Variants in CSMD1 observed in about 807,000 individuals in gnomAD.
CSMD1 encodes CUB and Sushi multiple domains 1.
A neutral mutation model predicts 417.5 loss-of-function variants in CSMD1; 213 were observed. The observed-to-expected ratio is 0.51, with a 90% CI of 0.46 to 0.57. CSMD1 has a LOEUF of 0.57. Among genes scored for constraint, CSMD1 ranks in the 20% least tolerant of loss-of-function variants. The pLI, the probability that CSMD1 is intolerant of heterozygous loss-of-function variation, is 0.00. For missense variants in CSMD1, 6,923 were observed against 4,529.7 expected (o/e 1.53, Z -15.17); for synonymous variants, 2,862 against 1,736.8 (o/e 1.65, Z -16.11).
chr8:3,783,031 C>T (rs1050416802), intron 5 of CSMD1, among the ~76,000 whole-genome samples: 1 of 152,156 alleles, frequency 6.6e-6, no homozygotes, highest in Non-Finnish European at 1.5e-5. Flanking sequence ...AGCACGCGTT[C>T]ATCTTCTGTA....
chr8:4,904,931 A>G (rs1448174287), intron 1 of CSMD1, among the ~76,000 whole-genome samples: 2 of 152,190 alleles, frequency 1.3e-5, no homozygotes, highest in South Asian at 4.1e-4. Flanking sequence ...AATACTGTCC[A>G]GGGCCTCTTT....
chr8:3,959,871 C>T (rs553152568), intron 5 of CSMD1, among the ~76,000 whole-genome samples: 2 of 152,196 alleles, frequency 1.3e-5, no homozygotes, highest in Non-Finnish European at 2.9e-5. Context: ...AGGTATATAA[C>T]GTGTGATCTG....
chr8:4,715,453 C>A (rs866598127), intron 1 of CSMD1, among the ~76,000 whole-genome samples: 8 of 152,156 alleles, frequency 5.3e-5, no homozygotes, highest in African/African-American at 1.4e-4. Context: ...TTGACAATCT[C>A]ATATGGTTTC....
At chr8:4,733,162 T>A (rs1284336110) in intron 1 of CSMD1, among the ~76,000 whole-genome samples, 4 of 152,202 alleles carry the variant, frequency 2.6e-5, no homozygotes, top group Non-Finnish European at 5.9e-5. Flanking sequence ...TCAGTCAATG[T>A]CTACCAAGTA....
chr8:4,252,271 C>T (rs1803132690), intron 3 of CSMD1, among the ~76,000 whole-genome samples: 1 of 152,204 alleles, frequency 6.6e-6, no homozygotes. Flanking sequence ...GCCCATCTTT[C>T]CTGTGAGTTG....
chr8:4,030,905 A>C (rs1236257452), intron 4 of CSMD1, among the ~76,000 whole-genome samples: 1 of 152,080 alleles, frequency 6.6e-6, no homozygotes, highest in Non-Finnish European at 1.5e-5. Context: ...AAGTTCCACA[A>C]CTCTCTAGGG....
chr8:3,386,418 G>C (rs990348352), intron 18 of CSMD1, among the ~76,000 whole-genome samples: 1 of 152,178 alleles, frequency 6.6e-6, no homozygotes, highest in Non-Finnish European at 1.5e-5. Context: ...CTTCCTGAGA[G>C]GGCTCCAGCA....
intron 3 of CSMD1, among the ~76,000 whole-genome samples, chr8:4,080,035 G>A (rs1433531807): frequency 2.0e-5 from 3 of 151,504 alleles, no homozygotes; most frequent in Admixed American, 1.3e-4. Context: ...CAAAAGGGTG[G>A]TGAGTGGCCC....
chr8:3,403,448 C>G (rs1383326494), intron 15 of CSMD1, among the ~76,000 whole-genome samples: 1 of 152,220 alleles, frequency 6.6e-6, no homozygotes, highest in African/African-American at 2.4e-5. Flanking sequence ...CATTAGGTTT[C>G]TCAACGCAGG....
chr8:3,463,274 C>T (rs757707259), intron 12 of CSMD1, among the ~76,000 whole-genome samples: 10 of 152,182 alleles, frequency 6.6e-5, no homozygotes, highest in Non-Finnish European at 1.3e-4. Context: ...CCTCCTGCTA[C>T]ACAAGTCACC....
intron 3 of CSMD1, among the ~76,000 whole-genome samples, chr8:4,281,228 C>A (rs191747125): frequency 2.6e-5 from 4 of 152,100 alleles, no homozygotes; most frequent in Non-Finnish European, 5.9e-5. Flanking sequence ...ACTTTGCTAC[C>A]TTAAGTATGA....
chr8:4,004,065 T>C (rs531473048), intron 4 of CSMD1, among the ~76,000 whole-genome samples: 1 of 152,312 alleles, frequency 6.6e-6, no homozygotes, highest in South Asian at 2.1e-4. Flanking sequence ...AAGGGTATAA[T>C]GTCTGATCTG....
chr8:3,733,502 C>T (rs561920917), intron 6 of CSMD1, among the ~76,000 whole-genome samples: 150 of 152,004 alleles, frequency 9.9e-4, no homozygotes, highest in Non-Finnish European at 1.8e-3. Context: ...CCACGGTCAA[C>T]CGCGTTCTGA....
chr8:3,558,197 G>C (rs1222187138), intron 10 of CSMD1, among the ~76,000 whole-genome samples: 4 of 146,072 alleles, frequency 2.7e-5, no homozygotes, highest in Admixed American at 7.0e-5. Flanking sequence ...ATGATGAATA[G>C]TGCCTCAGTA....
intron 4 of CSMD1, among the ~76,000 whole-genome samples, chr8:4,003,811 C>T (rs762150214): frequency 1.3e-5 from 2 of 151,024 alleles, no homozygotes; most frequent in African/African-American, 2.4e-5. Flanking sequence ...GTATATTGTA[C>T]GTGTCTGATA....
chr8:4,233,237 C>A (rs180784505), intron 3 of CSMD1, among the ~76,000 whole-genome samples: 3 of 152,172 alleles, frequency 2.0e-5, no homozygotes, highest in African/African-American at 7.2e-5. Context: ...GAAGTTAACA[C>A]TGTTGTGACA....
intron 15 of CSMD1, among the ~76,000 whole-genome samples, chr8:3,402,665 GATA>G (rs1812106472): frequency 6.6e-6 from 1 of 152,082 alleles, no homozygotes; most frequent in African/African-American, 2.4e-5. Flanking sequence ...TTATGGTATG[GATA>G]ATTTCTCTTT....
At chr8:4,198,364 A>T (rs1293099045) in intron 3 of CSMD1, among the ~76,000 whole-genome samples, 1 of 152,242 alleles carries the variant, frequency 6.6e-6, no homozygotes, top group East Asian at 1.9e-4. Flanking sequence ...CAGGAGCCTG[A>T]ACTTTGTCCT....
intron 5 of CSMD1, among the ~76,000 whole-genome samples, chr8:3,925,355 A>C (rs1301168853): frequency 6.6e-6 from 1 of 152,256 alleles, no homozygotes; most frequent in Non-Finnish European, 1.5e-5. Flanking sequence ...TATTTTAATT[A>C]GAAATATTCA....
Sources: gnomAD v4.1 joint callset for allele counts (sites outside exome capture counted in the v4.1 genomes callset) on GRCh38, gnomAD v4.1.1 for gene constraint, MANE v1.5 for transcripts, NCBI Gene and HGNC (gene_info 2026-07-23, HGNC 2026-07-21) for gene names.